Variants in GPC3 observed in about 807,000 individuals in gnomAD.
The protein encoded by GPC3 is glypican 3.
GPC3 carries 3 observed loss-of-function variants against 34.4 expected under a neutral mutation model. That is an observed-to-expected ratio of 0.09 (90% CI 0.04 to 0.23). The LOEUF is 0.23. Ranked by LOEUF, GPC3 falls within the 10% of genes least tolerant of loss-of-function variation. The pLI is 1.00. For synonymous variants in GPC3, 177 were observed against 174.0 expected (o/e 1.02, Z -0.13); for missense variants, 351 against 445.6 (o/e 0.79, Z 1.91).
At chrX:133,612,436 C>G (rs1210979105) in intron 6 of GPC3, among the ~76,000 whole-genome samples, 1 of 112,118 alleles carries the variant, frequency 8.9e-6, no homozygotes, top group African/African-American at 3.2e-5. Context: ...CTCTCTCCCT[C>G]TCTCTCCGTC....
chrX:133,601,123 C>G (rs1254972888), intron 6 of GPC3, among the ~76,000 whole-genome samples: 1 of 111,978 alleles, frequency 8.9e-6, no homozygotes, highest in Non-Finnish European at 1.9e-5. Context: ...ACAGCCACTA[C>G]TGTCTGTGCA....
chrX:133,899,362 G>A (rs777269999), intron 2 of GPC3, among the ~76,000 whole-genome samples: 3 of 110,954 alleles, frequency 2.7e-5, no homozygotes, highest in East Asian at 2.8e-4. Flanking sequence ...ACCTTCCTCC[G>A]GACATCTCCT....
At chrX:133,695,549 C>T (rs2071108099) in intron 4 of GPC3, among the ~76,000 whole-genome samples, 1 of 111,294 alleles carries the variant, frequency 9.0e-6, no homozygotes, top group South Asian at 3.8e-4. Context: ...TGAAAACAGA[C>T]AGGGAGGAGA....
At chrX:133,773,183 C>G (rs2071940959) in intron 2 of GPC3, among the ~76,000 whole-genome samples, 1 of 111,418 alleles carries the variant, frequency 9.0e-6, no homozygotes, top group Non-Finnish European at 1.9e-5. Flanking sequence ...CAGCCTCCCA[C>G]TGGGATTACA....
intron 1 of GPC3, among the ~76,000 whole-genome samples, chrX:133,963,665 G>A (rs2076451025): frequency 9.0e-6 from 1 of 111,129 alleles, no homozygotes; most frequent in South Asian, 3.8e-4. Flanking sequence ...TGTTCATTTT[G>A]TACTTCTCTA....
intron 2 of GPC3, among the ~76,000 whole-genome samples, chrX:133,897,297 A>G (rs1264552072): frequency 1.1e-5 from 1 of 92,849 alleles, no homozygotes; most frequent in Non-Finnish European, 2.1e-5. Flanking sequence ...CCATCCACCC[A>G]CTTTGGCCTC....
chrX:133,584,250 C>T (rs1184793878), intron 7 of GPC3, among the ~76,000 whole-genome samples: 6 of 112,005 alleles, frequency 5.4e-5, no homozygotes, highest in Non-Finnish European at 3.8e-5. Flanking sequence ...TTACTAAATA[C>T]GTACTGAGAG....
intron 2 of GPC3, among the ~76,000 whole-genome samples, chrX:133,948,439 C>T (rs926693790): frequency 9.0e-6 from 1 of 110,573 alleles, no homozygotes; most frequent in Admixed American, 9.7e-5. Flanking sequence ...TGCCCTCCCC[C>T]CCATTCAGAG....
intron 7 of GPC3, among the ~76,000 whole-genome samples, chrX:133,561,389 A>G (rs2069538521): frequency 8.9e-6 from 1 of 112,343 alleles, no homozygotes; most frequent in Non-Finnish European, 1.9e-5. Context: ...CCTGTTTTGT[A>G]GCCAACACAA....
At chrX:133,719,638 T>C (rs961495505) in intron 3 of GPC3, among the ~76,000 whole-genome samples, 3 of 108,827 alleles carry the variant, frequency 2.8e-5, no homozygotes, top group Non-Finnish European at 3.8e-5. Context: ...TAAAAAAAAA[T>C]AAAAAATAAA....
chrX:133,699,967 T>A lies in GPC3; in HGVS notation c.1094A>T (p.Asp365Val). 8.4e-7 allele frequency: 1 copy of A among 1,194,372 alleles called. No homozygotes were observed. The highest frequency in any genetic ancestry group is 1.1e-6 in the Non-Finnish European group (1 of 880,504). The change falls in exon 4 of 8, where the codon GAT (aspartate) becomes GTT (valine). Residue 365 changes from aspartate (D) to valine (V), a missense_variant. Transcript: ENST00000370818. ...RQYRSAYYPE[D>V]LFIDKKVLKV... ...TAATACTTTCTTGTCAATAAAGAGA[T>A]CTTCAGGATAATAAGCAGATCTATA...
chrX:133,835,155 G>C (rs7055165), intron 2 of GPC3, among the ~76,000 whole-genome samples: 8,831 of 111,795 alleles, frequency 0.079, 578 homozygotes, highest in African/African-American at 0.21. Context: ...CTTAAATAAA[G>C]AGCTTAAATA....
At chrX:133,614,943 C>T (rs182147744) in intron 6 of GPC3, among the ~76,000 whole-genome samples, 1 of 111,337 alleles carries the variant, frequency 9.0e-6, no homozygotes, top group African/African-American at 3.3e-5. Context: ...AATTAGATAG[C>T]TTAGACGAAA....
chrX:133,790,064 A>G (rs1211376480), intron 2 of GPC3, among the ~76,000 whole-genome samples: 1 of 111,751 alleles, frequency 8.9e-6, no homozygotes, highest in African/African-American at 3.3e-5. Flanking sequence ...GTGCACAATT[A>G]GTTGTTAACT....
chrX:133,885,499 C>G (rs1360358104), intron 2 of GPC3, among the ~76,000 whole-genome samples: 2 of 111,403 alleles, frequency 1.8e-5, no homozygotes, highest in African/African-American at 6.5e-5. Context: ...CCAATAGAAT[C>G]CAAATAAGTT....
intron 2 of GPC3, among the ~76,000 whole-genome samples, chrX:133,875,662 T>C (rs764999023): frequency 1.8e-5 from 2 of 111,451 alleles, no homozygotes; most frequent in African/African-American, 6.5e-5. Flanking sequence ...AAAGGGATAG[T>C]ATGTTCATGG....
chrX:133,581,255 C>T (rs903854178), intron 7 of GPC3, among the ~76,000 whole-genome samples: 1 of 112,159 alleles, frequency 8.9e-6, no homozygotes, highest in African/African-American at 3.2e-5. Context: ...TCTTACAGAT[C>T]CAAGTTAAGA....
intron 2 of GPC3, among the ~76,000 whole-genome samples, chrX:133,859,111 C>T: frequency 9.2e-6 from 1 of 108,904 alleles, no homozygotes; most frequent in Middle Eastern, 4.8e-3. Flanking sequence ...AGAAAACTAA[C>T]TGTCCTTTGA....
At chrX:133,750,842 G>C (rs1357275569) in intron 3 of GPC3, among the ~76,000 whole-genome samples, 1 of 110,294 alleles carries the variant, frequency 9.1e-6, no homozygotes, top group African/African-American at 3.3e-5. Flanking sequence ...GGGCGGCCTA[G>C]GTGGGTGGAT....
Sources: allele counts gnomAD v4.1 joint callset (sites outside exome capture counted in the v4.1 genomes callset), GRCh38; gene constraint gnomAD v4.1.1; transcripts MANE v1.5; gene names NCBI Gene and HGNC (gene_info 2026-07-23, HGNC 2026-07-21).